The following CP variants were observed in gnomAD, a reference collection of about 807,000 sequenced individuals.
The protein encoded by CP is ceruloplasmin.
Under a neutral mutation model 122.4 loss-of-function variants are expected in CP, and 64 were observed. That is an observed-to-expected ratio of 0.52 (90% CI 0.43 to 0.64). The LOEUF is 0.64. Ranked by LOEUF, CP falls within the 30% of genes least tolerant of loss-of-function variation. The pLI, the probability that CP is intolerant of heterozygous loss-of-function variation, is 0.00. For missense variants in CP, 1,167 were observed against 1,284.4 expected (o/e 0.91, Z 1.40); for synonymous variants, 440 against 436.4 (o/e 1.01, Z -0.10).
At chr3:149,180,032 T>A (rs937371487) in intron 14 of CP, 3 of 270,582 alleles carry the variant, frequency 1.1e-5, no homozygotes, top group Non-Finnish European at 2.2e-5. Flanking sequence ...AGATACCAAG[T>A]GATTTTTCCC....
At chr3:149,174,659 C>T (rs1725293975) in intron 18 of CP, among the ~76,000 whole-genome samples, 1 of 152,084 alleles carries the variant, frequency 6.6e-6, no homozygotes, top group Non-Finnish European at 1.5e-5. Flanking sequence ...ATAGTCCCTG[C>T]CTGTAAGAAA....
In CP at chr3:149,173,680, T is replaced by C. The variant is rs1343844828; in HGVS notation, c.*34A>G. On this transcript the variant is annotated 3_prime_UTR_variant, in exon 19 of 19. Transcript: ENST00000264613. ...TACATTGTTATGAATCATTGGTTTTTCTCTTTTTTCCACTTATCACCAATT... is the reference window on the plus strand; with the variant it reads ...TACATTGTTATGAATCATTGGTTTTCCTCTTTTTTCCACTTATCACCAATT... 16 of 1,399,198 alleles carry C rather than the reference T, an allele frequency of 1.1e-5. No homozygotes were observed. Among genetic ancestry groups the C allele is most frequent in the Non-Finnish European group, 1.5e-5 (15 of 1,008,102 alleles). 86.7% of individuals were successfully genotyped at this position (1,399,198 alleles called of 1,614,324 possible).
In CP at chr3:149,206,427, G is replaced by A. The variant is rs541005505; in HGVS notation, c.1037-88C>T. 48 of 1,469,652 alleles carry A rather than the reference G, an allele frequency of 3.3e-5. No individual in the cohort carries two copies. In the South Asian group the frequency reaches 5.1e-4, roughly 16 times the overall value. The allele number at this position is 1,469,652 out of a possible 1,614,324, so 91.0% of individuals were successfully genotyped here. A position where few individuals can be genotyped will look rare whatever the true frequency, so the allele number is the denominator to read the frequency against. ...GTAAACACTGCTCGGGTGATGACAA[G>A]TAGAAATTGAAGGAATAGACAGATA... On this transcript the variant is annotated intron_variant, in intron 5 of 18. Coordinates refer to ENST00000264613, the MANE Select transcript of CP (RefSeq NM_000096.4).
At chr3:149,162,560 C>T in exon 6 of CP, 1 of 1,121,214 alleles carries the variant, frequency 8.9e-7, no homozygotes, top group Non-Finnish European at 1.3e-6. Flanking sequence ...TTTGCTTTTG[C>T]CATGGCGCTA....
At chr3:149,175,583 CG>C (rs1559933506) in intron 18 of CP, among the ~76,000 whole-genome samples, 1 of 151,866 alleles carries the variant, frequency 6.6e-6, no homozygotes. Context: ...ATCCTCAACT[CG>C]AAAGACCCAG....
At position 149,186,368 on chromosome 3, in the gene CP, T is replaced by C. The variant is rs941998460; in HGVS notation, c.2077+152A>G. The stretch of plus-strand genomic sequence containing the variant: ...CCTATCTGGTACATACTTCAGCTGA[T>C]AGTGGCCTAGACTTGCTCTTTCAAA... On this transcript the variant is annotated intron_variant, in intron 11 of 18. Transcript: ENST00000264613. The C allele has an allele frequency of 5.5e-6, 4 of 723,242 alleles. No individual in the cohort carries two copies. In the Admixed American group the frequency reaches 8.3e-5, roughly 15 times the overall value. 44.8% of individuals were successfully genotyped at this position (723,242 alleles called of 1,614,324 possible).
intron 4 of CP, chr3:149,167,006 T>C: frequency 6.4e-7 from 1 of 1,563,586 alleles, no homozygotes; most frequent in Non-Finnish European, 8.8e-7. Context: ...GTGCCTCATT[T>C]CATAACATTT....
At chr3:149,180,813 C>T (rs933936112) in intron 14 of CP, among the ~76,000 whole-genome samples, 4 of 152,250 alleles carry the variant, frequency 2.6e-5, no homozygotes, top group African/African-American at 9.6e-5. Context: ...CTTCTCTTTT[C>T]CACACCCCTT....
chr3:149,206,412 CT>C, intron 5 of CP, 73 bp from the exon 6 acceptor site: 1 of 1,543,602 alleles, frequency 6.5e-7, no homozygotes. Flanking sequence ...GTAAACACTG[CT>C]CGGGTGATGA....
downstream of CP, among the ~76,000 whole-genome samples, chr3:149,170,009 T>C (rs531829337): frequency 1.2e-4 from 18 of 152,316 alleles, no homozygotes; most frequent in Non-Finnish European, 2.2e-4. Flanking sequence ...AACCTTCTCT[T>C]AGCCTCAATT....
chr3:149,183,243 G>A lies in CP; in HGVS notation c.2425+223C>T, dbSNP rs79474503. Among the ~76,000 whole-genome samples the A allele has an allele frequency of 0.018, 2,700 of 152,074 alleles. 68 individuals are homozygous for A. The highest frequency in any genetic ancestry group is 0.062 in the African/African-American group (2,560 of 41,490). ...AATATATATAATTTCATCAGTATACGGGACAATACATAGTTTCCAAGAGAA... is the reference window on the plus strand; with the variant it reads ...AATATATATAATTTCATCAGTATACAGGACAATACATAGTTTCCAAGAGAA... On this transcript the variant is annotated intron_variant, in intron 13 of 18. Transcript: ENST00000264613.
chr3:149,208,978 T>C (rs1323274327), intron 4 of CP, among the ~76,000 whole-genome samples: 1 of 152,198 alleles, frequency 6.6e-6, no homozygotes, highest in Non-Finnish European at 1.5e-5. Flanking sequence ...TAAACCATAA[T>C]TGATGCTTTA....
intron 9 of CP, among the ~76,000 whole-genome samples, chr3:149,192,658 A>G (rs1340995462): frequency 6.7e-6 from 1 of 150,268 alleles, no homozygotes; most frequent in Non-Finnish European, 1.5e-5. Context: ...CAAAGATAAT[A>G]TGTATGTAGT....
chr3:149,167,193 G>GAGGC (rs762866089), intron 4 of CP: 1 of 1,613,880 alleles, frequency 6.2e-7, no homozygotes, highest in Non-Finnish European at 8.5e-7. Context: ...GAGATGCCCG[G>GAGGC]AGGCAGTCAT....
At chr3:149,169,378 G>A (rs1042941203), downstream of CP, among the ~76,000 whole-genome samples, 3 of 152,146 alleles carry the variant, frequency 2.0e-5, no homozygotes, top group Non-Finnish European at 4.4e-5. Context: ...TTCTAATGTC[G>A]TGAGACTAAA....
downstream of CP, among the ~76,000 whole-genome samples, chr3:149,171,138 C>T (rs1000478093): frequency 3.3e-5 from 5 of 152,120 alleles, no homozygotes; most frequent in South Asian, 2.1e-4. Flanking sequence ...ATTAGCTGGA[C>T]GTGGTGGTGC....
At chr3:149,187,348 T>C (rs1726242965) in intron 10 of CP, among the ~76,000 whole-genome samples, 2 of 152,218 alleles carry the variant, frequency 1.3e-5, no homozygotes, top group Admixed American at 6.5e-5. Flanking sequence ...TACATGTTTT[T>C]CTTCTATTGG....
At position 149,163,986 on chromosome 3, in the gene CP, TA is replaced by T. The variant is rs1277944709; in HGVS notation, c.*14-1112del. 4 of 1,009,572 alleles carry T rather than the reference TA, an allele frequency of 4.0e-6. No individual in the cohort carries two copies. The Admixed American group carries it at 5.2e-5, about 13-fold the overall frequency. The allele number at this position is 1,009,572 out of a possible 1,614,324, so 62.5% of individuals were successfully genotyped here. ...TACCTCCTTTTCTTATGAAATTGCATATTACAATATAGTGTAAGATTAAATT... is the reference window on the plus strand; with the variant it reads ...TACCTCCTTTTCTTATGAAATTGCATTTACAATATAGTGTAAGATTAAATT... On this transcript the variant is annotated intron_variant, in intron 5 of 5. Coordinates refer to the CP transcript ENST00000479771.
intron 11 of CP, chr3:149,186,251 TA>T: frequency 4.0e-6 from 2 of 496,746 alleles, no homozygotes; most frequent in Non-Finnish European, 7.3e-6. Context: ...GACCATAATC[TA>T]AAAAGGGATC....
Sources: allele counts gnomAD v4.1 joint callset (sites outside exome capture counted in the v4.1 genomes callset), GRCh38; gene constraint gnomAD v4.1.1; transcripts MANE v1.5; gene names NCBI Gene and HGNC (gene_info 2026-07-23, HGNC 2026-07-21).